Variants in UNC79 observed in about 807,000 individuals in gnomAD.
The protein encoded by UNC79 is protein unc-79 homolog.
In UNC79, 37 loss-of-function variants were observed where a neutral mutation model predicts 283.1. That is an observed-to-expected ratio of 0.13 (90% CI 0.10 to 0.17). The LOEUF (loss-of-function observed/expected upper bound fraction) is 0.17, where lower values mean the gene tolerates loss of function less well. Ranked by LOEUF, UNC79 falls within the 10% of genes least tolerant of loss-of-function variation. The pLI is 1.00. For missense variants in UNC79, 2,272 were observed against 3,211.1 expected, an observed-to-expected ratio of 0.71 and a Z score of 7.07; for synonymous variants, 1,107 against 1,200.2, an observed-to-expected ratio of 0.92 and a Z score of 1.61.
intron 1 of UNC79, among the ~76,000 whole-genome samples, chr14:93,375,326 G>A (rs755256841): frequency 6.6e-6 from 1 of 152,190 alleles, no homozygotes; most frequent in Non-Finnish European, 1.5e-5. Context: ...AGGCTGCAGT[G>A]AGCTGTGATT....
At chr14:93,482,659 C>T (rs1176722333) in intron 4 of UNC79, among the ~76,000 whole-genome samples, 1 of 152,100 alleles carries the variant, frequency 6.6e-6, no homozygotes, top group Non-Finnish European at 1.5e-5. Flanking sequence ...TTACCTTCAC[C>T]CTTTAGACAA....
Position 93,586,753 on chromosome 14 carries a change from TG to T in UNC79, c.2884-6del. The T allele has an allele frequency of 6.2e-7, 1 of 1,613,450 alleles. No individual in the cohort carries two copies. The highest frequency in any genetic ancestry group is 2.2e-5 in the East Asian group (1 of 44,862). ...ATAACTTAGTAACCATGTGGTTTTT[TG>T]TATAGGAAATGGCTAAGTTTGAAGA... On this transcript the variant is annotated splice_region_variant and splice_polypyrimidine_tract_variant and intron_variant, in intron 21 of 48. Transcript: ENST00000555664.
chr14:93,501,149 A>G (rs186610970), intron 7 of UNC79, among the ~76,000 whole-genome samples: 4 of 151,996 alleles, frequency 2.6e-5, no homozygotes, highest in African/African-American at 9.7e-5. Context: ...ACGTGGTGAA[A>G]CCCTAGCTCT....
chr14:93,340,376 A>G (rs1008807705), intron 1 of UNC79, among the ~76,000 whole-genome samples: 2 of 143,170 alleles, frequency 1.4e-5, no homozygotes, highest in Non-Finnish European at 3.0e-5. Flanking sequence ...CAGGAGGCGG[A>G]GCTTGCAGTG....
intron 1 of UNC79, among the ~76,000 whole-genome samples, chr14:93,417,065 T>C (rs1316343972): frequency 6.6e-6 from 1 of 152,202 alleles, no homozygotes; most frequent in Non-Finnish European, 1.5e-5. Context: ...CCTGTCATTA[T>C]GATGTTAGCT....
chr14:93,670,881 G>A (rs2072776382), intron 40 of UNC79, among the ~76,000 whole-genome samples: 1 of 152,178 alleles, frequency 6.6e-6, no homozygotes, highest in Non-Finnish European at 1.5e-5. Context: ...AAGGATTTTA[G>A]GAGTTGTATA....
At chr14:93,449,777 CAG>C (rs1393347736) in intron 1 of UNC79, among the ~76,000 whole-genome samples, 3 of 151,992 alleles carry the variant, frequency 2.0e-5, no homozygotes, top group Admixed American at 6.5e-5. Context: ...ATAACATCAT[CAG>C]GGGATGAAAC....
chr14:93,677,518 C>A (rs1198231359), intron 41 of UNC79, among the ~76,000 whole-genome samples: 2 of 152,174 alleles, frequency 1.3e-5, no homozygotes, highest in Non-Finnish European at 1.5e-5. Context: ...GGGGAAACCA[C>A]CCTCACCATT....
chr14:93,467,774 T>C (rs2140268856), exon 2 of UNC79: 1 of 1,505,048 alleles, frequency 6.6e-7, no homozygotes, highest in Middle Eastern at 1.7e-4. Context: ...TGAAATACTT[T>C]TCTCAGACCT....
intron 1 of UNC79, among the ~76,000 whole-genome samples, chr14:93,372,587 C>T (rs111976250): frequency 3.0e-4 from 45 of 152,284 alleles, no homozygotes; most frequent in African/African-American, 9.4e-4. Context: ...TTGTGCATTA[C>T]GTAATGATAA....
chr14:93,464,829 C>T (rs2057100993), intron 1 of UNC79, among the ~76,000 whole-genome samples: 1 of 152,120 alleles, frequency 6.6e-6, no homozygotes, highest in African/African-American at 2.4e-5. Context: ...GCTGGATGCT[C>T]ACATGGGCTT....
chr14:93,452,375 AT>A (rs35284465), intron 1 of UNC79, among the ~76,000 whole-genome samples: 30,534 of 108,808 alleles, frequency 0.28, 2,938 homozygotes, highest in Middle Eastern at 0.38. Context: ...GGACTGCATG[AT>A]TTTTTTTTTT....
intron 1 of UNC79, among the ~76,000 whole-genome samples, chr14:93,399,807 A>G (rs574396684): frequency 6.6e-6 from 1 of 152,176 alleles, no homozygotes. Context: ...TTGCATTGCC[A>G]ATCTCCTATG....
intron 5 of UNC79, among the ~76,000 whole-genome samples, chr14:93,490,808 C>G (rs539452639): frequency 2.4e-4 from 36 of 152,224 alleles, no homozygotes; most frequent in Admixed American, 1.2e-3. Context: ...GCAATATAGG[C>G]TTTTTTCTAG....
chr14:93,415,029 T>C (rs2055422779), intron 1 of UNC79, among the ~76,000 whole-genome samples: 1 of 152,210 alleles, frequency 6.6e-6, no homozygotes, highest in Non-Finnish European at 1.5e-5. Flanking sequence ...TCCTGCCTGA[T>C]TGCCCTGGCC....
chr14:93,594,522 G>A (rs1428019623), intron 23 of UNC79, among the ~76,000 whole-genome samples: 4 of 152,138 alleles, frequency 2.6e-5, no homozygotes, highest in African/African-American at 9.7e-5. Flanking sequence ...TGCCCACCTT[G>A]GCCTCCCAAA....
chr14:93,433,416 A>G (rs895082805), intron 1 of UNC79, among the ~76,000 whole-genome samples: 4 of 152,230 alleles, frequency 2.6e-5, no homozygotes, highest in African/African-American at 9.6e-5. Context: ...CAAAAACACA[A>G]TAGGCTGCAT....
chr14:93,526,439 C>T (rs72691062), intron 8 of UNC79, among the ~76,000 whole-genome samples: 14,328 of 152,148 alleles, frequency 0.094, 730 homozygotes, highest in Middle Eastern at 0.19. Flanking sequence ...GAAAAACAAT[C>T]AGTAATACTT....
intron 1 of UNC79, among the ~76,000 whole-genome samples, chr14:93,461,499 GT>G (rs560713206): frequency 6.6e-6 from 1 of 150,686 alleles, no homozygotes; most frequent in African/African-American, 2.4e-5. Context: ...GACCTCTTTT[GT>G]TTTTTTTTCT....
Sources: gnomAD v4.1 joint callset for allele counts (sites outside exome capture counted in the v4.1 genomes callset) on GRCh38, gnomAD v4.1.1 for gene constraint, MANE v1.5 for transcripts, NCBI Gene and HGNC (gene_info 2026-07-23, HGNC 2026-07-21) for gene names.